Variants in CLVS1 observed in about 807,000 individuals in gnomAD.
CLVS1 encodes the protein clavesin 1, also known as clavesin-1.
Under a neutral mutation model 33.1 loss-of-function variants are expected in CLVS1, and 10 were observed. The observed-to-expected ratio is 0.30, with a 90% CI of 0.19 to 0.51. The LOEUF (loss-of-function observed/expected upper bound fraction) is 0.51, where lower values mean the gene tolerates loss of function less well. Among genes scored for constraint, CLVS1 ranks in the 20% least tolerant of loss-of-function variants. The probability of loss-of-function intolerance (pLI) is 0.97; values close to 1 mark genes in which losing one functional copy is unlikely to be tolerated. For synonymous variants in CLVS1, 163 were observed against 166.1 expected, an observed-to-expected ratio of 0.98 and a Z score of 0.14; for missense variants, 343 against 433.4, an observed-to-expected ratio of 0.79 and a Z score of 1.85.
the CLVS1 span, among the ~76,000 whole-genome samples, chr8:60,986,486 A>C: frequency 6.6e-6 from 1 of 152,118 alleles, no homozygotes; most frequent in East Asian, 1.9e-4. Context: ...TGACTTTTGG[A>C]GTTTATGACC....
At chr8:61,433,095 A>G (rs1816176702) in intron 3 of CLVS1, among the ~76,000 whole-genome samples, 1 of 152,170 alleles carries the variant, frequency 6.6e-6, no homozygotes, top group South Asian at 2.1e-4. Context: ...CTAGGACTAT[A>G]GGCACATGCC....
At chr8:61,159,972 C>T (rs1469606) in intron 2 of CLVS1, among the ~76,000 whole-genome samples, 83,453 of 152,046 alleles carry the variant, frequency 0.55, 23,826 homozygotes, top group Middle Eastern at 0.72. Context: ...TATAGTTCTT[C>T]TCCACCCAGG....
chr8:61,450,109 G>A (rs989875178), intron 3 of CLVS1, among the ~76,000 whole-genome samples: 3 of 152,132 alleles, frequency 2.0e-5, no homozygotes, highest in African/African-American at 7.2e-5. Flanking sequence ...GAGGCTCTAT[G>A]GGAAGAGTGA....
At chr8:60,970,161 G>C in the CLVS1 span, among the ~76,000 whole-genome samples, 1 of 152,188 alleles carries the variant, frequency 6.6e-6, no homozygotes, top group East Asian at 1.9e-4. Context: ...AGTTGTTCTT[G>C]GCTTATTTAT....
chr8:61,354,551 T>A (rs1039638885), intron 2 of CLVS1, among the ~76,000 whole-genome samples: 2 of 152,218 alleles, frequency 1.3e-5, no homozygotes, highest in African/African-American at 4.8e-5. Context: ...CACCTTTGTT[T>A]GTAATAGCCA....
At chr8:61,481,653 G>A (rs572638242) in intron 5 of CLVS1, among the ~76,000 whole-genome samples, 2 of 152,330 alleles carry the variant, frequency 1.3e-5, no homozygotes, top group South Asian at 4.1e-4. Context: ...CTGGGAGAGG[G>A]GCGTCTGTCA....
intron 2 of CLVS1, among the ~76,000 whole-genome samples, chr8:61,218,324 A>AAAAAGAATG (rs141677080): frequency 0.065 from 9,898 of 152,140 alleles, 431 homozygotes; most frequent in East Asian, 0.15. Context: ...CTCAGCCATA[A>AAAAAGAATG]AAAAGAATGA....
intron 3 of CLVS1, among the ~76,000 whole-genome samples, chr8:61,410,781 A>G (rs1270873232): frequency 5.3e-5 from 8 of 152,130 alleles, no homozygotes; most frequent in African/African-American, 1.7e-4. Context: ...AGCTGGGACT[A>G]CAGGCGTGAA....
intron 1 of CLVS1, among the ~76,000 whole-genome samples, chr8:61,069,052 C>T (rs1046290688): frequency 1.6e-4 from 24 of 152,112 alleles, no homozygotes; most frequent in Admixed American, 5.9e-4. Context: ...CTGCAACTTC[C>T]GCCTTCCAAG....
At chr8:61,345,432 T>A (rs1812178506) in intron 2 of CLVS1, among the ~76,000 whole-genome samples, 1 of 152,186 alleles carries the variant, frequency 6.6e-6, no homozygotes, top group Non-Finnish European at 1.5e-5. Flanking sequence ...TCTGATAGGC[T>A]GAAGGGCATT....
At chr8:61,105,908 T>G (rs12235034) in intron 1 of CLVS1, among the ~76,000 whole-genome samples, 64,959 of 151,904 alleles carry the variant, frequency 0.43, 14,539 homozygotes, top group East Asian at 0.82. Flanking sequence ...CCAGTTTTAG[T>G]TGTTCTCCCG....
At chr8:61,370,747 G>A (rs1813403781) in intron 2 of CLVS1, 1 of 152,128 alleles carries the variant, frequency 6.6e-6, no homozygotes, top group Non-Finnish European at 1.5e-5. Flanking sequence ...TAAGTGAGAA[G>A]ATATGATGTT....
At chr8:61,041,445 T>C in the CLVS1 span, among the ~76,000 whole-genome samples, 1 of 152,222 alleles carries the variant, frequency 6.6e-6, no homozygotes, top group Admixed American at 6.5e-5. Flanking sequence ...ATAATATTAA[T>C]TCTTCCAATC....
chr8:61,344,619 G>C (rs1441906623), intron 2 of CLVS1, among the ~76,000 whole-genome samples: 1 of 152,150 alleles, frequency 6.6e-6, no homozygotes, highest in Admixed American at 6.5e-5. Context: ...GTATAGACTG[G>C]AGTTTGTGCA....
intron 2 of CLVS1, among the ~76,000 whole-genome samples, chr8:61,144,871 A>G (rs1418885988): frequency 6.6e-6 from 1 of 152,208 alleles, no homozygotes; most frequent in Non-Finnish European, 1.5e-5. Flanking sequence ...CTGGGATTAC[A>G]GGTGCCCGCT....
At chr8:61,232,003 G>C (rs1307906602) in intron 2 of CLVS1, among the ~76,000 whole-genome samples, 1 of 99,644 alleles carries the variant, frequency 1.0e-5, no homozygotes, top group African/African-American at 3.4e-5. Context: ...GCCAGAGAAG[G>C]AGCCCTGAGG....
At chr8:61,215,889 G>A (rs535907772) in intron 2 of CLVS1, among the ~76,000 whole-genome samples, 11 of 152,172 alleles carry the variant, frequency 7.2e-5, no homozygotes, top group East Asian at 1.9e-4. Context: ...ATCTCCTACC[G>A]CCCCTGGGTC....
At chr8:61,148,143 T>C (rs1182803305) in intron 2 of CLVS1, among the ~76,000 whole-genome samples, 2 of 152,214 alleles carry the variant, frequency 1.3e-5, no homozygotes, top group African/African-American at 4.8e-5. Context: ...ATTCTTTGGG[T>C]CCTGAATGAA....
At chr8:61,192,422 C>T (rs1287566614) in intron 2 of CLVS1, among the ~76,000 whole-genome samples, 1 of 152,102 alleles carries the variant, frequency 6.6e-6, no homozygotes, top group African/African-American at 2.4e-5. Context: ...CCATAAAAAC[C>T]CTAGAAGAAA....
Sources: gnomAD v4.1 joint callset for allele counts (sites outside exome capture counted in the v4.1 genomes callset) on GRCh38, gnomAD v4.1.1 for gene constraint, MANE v1.5 for transcripts, NCBI Gene and HGNC (gene_info 2026-07-23, HGNC 2026-07-21) for gene names.